Variants in SAMD12 observed in about 807,000 individuals in gnomAD.
The protein encoded by SAMD12 is sterile alpha motif domain containing 12, also known as sterile alpha motif domain-containing protein 12.
A neutral mutation model predicts 15.0 loss-of-function variants in SAMD12; 9 were observed. The ratio of observed to expected loss-of-function variants is 0.60; its 90% CI spans 0.36 to 1.05. The LOEUF is 1.05. Ranked by LOEUF, SAMD12 falls within the 50% of genes least tolerant of loss-of-function variation. The probability of loss-of-function intolerance (pLI) is 0.01; values close to 1 mark genes in which losing one functional copy is unlikely to be tolerated. For missense variants in SAMD12, 230 were observed against 234.2 expected (o/e 0.98, Z 0.12); for synonymous variants, 86 against 90.1 (o/e 0.96, Z 0.25).
chr8:118,342,848 TGACA>T (rs2130555218), intron 4 of SAMD12, among the ~76,000 whole-genome samples: 1 of 152,312 alleles, frequency 6.6e-6, no homozygotes, highest in Non-Finnish European at 1.5e-5. Flanking sequence ...AACAGGCTTT[TGACA>T]GACAGAAAAA....
At chr8:118,287,890 T>C (rs956809807) in intron 4 of SAMD12, among the ~76,000 whole-genome samples, 2 of 152,294 alleles carry the variant, frequency 1.3e-5, no homozygotes, top group African/African-American at 4.8e-5. Flanking sequence ...ACAGTCATAC[T>C]TTCTACCCAT....
chr8:118,161,331 C>T, the SAMD12 span, among the ~76,000 whole-genome samples: 2 of 152,094 alleles, frequency 1.3e-5, no homozygotes, highest in African/African-American at 2.4e-5. Context: ...TGCCTATAAT[C>T]CCAGCACTTT....
chr8:118,407,438 C>A (rs370664907), intron 3 of SAMD12, among the ~76,000 whole-genome samples: 37 of 152,252 alleles, frequency 2.4e-4, no homozygotes, highest in East Asian at 1.5e-3. Context: ...AGCATCTTTT[C>A]ATATGCAGGT....
chr8:118,300,938 A>G (rs1003692567), intron 4 of SAMD12, among the ~76,000 whole-genome samples: 1 of 152,218 alleles, frequency 6.6e-6, no homozygotes, highest in Admixed American at 6.5e-5. Context: ...ATGGTTATAA[A>G]AAGTGCATGC....
At chr8:118,248,981 ATTGATCCCC>A (rs1276200890) in intron 4 of SAMD12, among the ~76,000 whole-genome samples, 4 of 152,176 alleles carry the variant, frequency 2.6e-5, no homozygotes, top group African/African-American at 9.7e-5. Flanking sequence ...TTGTAGAGTC[ATTGATCCCC>A]CACGGATCCC....
intron 2 of SAMD12, among the ~76,000 whole-genome samples, chr8:118,474,348 C>A (rs568261912): frequency 1.3e-5 from 2 of 152,238 alleles, no homozygotes; most frequent in South Asian, 4.1e-4. Flanking sequence ...CTAATGAACA[C>A]CTAAATCAGT....
At chr8:118,549,382 C>A (rs1204066752) in intron 2 of SAMD12, among the ~76,000 whole-genome samples, 1 of 152,262 alleles carries the variant, frequency 6.6e-6, no homozygotes, top group East Asian at 1.9e-4. Flanking sequence ...CGAAAAACCA[C>A]TGTTCTGCAG....
At chr8:118,171,262 T>G in the SAMD12 span, among the ~76,000 whole-genome samples, 1 of 152,234 alleles carries the variant, frequency 6.6e-6, no homozygotes, top group Non-Finnish European at 1.5e-5. Context: ...GAAAACACTC[T>G]GAGAGGTCCT....
chr8:118,551,241 C>T (rs1307152842), intron 2 of SAMD12, among the ~76,000 whole-genome samples: 5 of 151,990 alleles, frequency 3.3e-5, no homozygotes, highest in Non-Finnish European at 7.4e-5. Context: ...CAGCACCACA[C>T]CACACCTATT....
chr8:118,236,497 A>T (rs1490923649), intron 4 of SAMD12, among the ~76,000 whole-genome samples: 2 of 152,218 alleles, frequency 1.3e-5, no homozygotes, highest in Non-Finnish European at 2.9e-5. Flanking sequence ...TGATTACTGG[A>T]TCTAAGATTA....
intron 2 of SAMD12, among the ~76,000 whole-genome samples, chr8:118,450,604 ATCATG>A (rs1823051164): frequency 6.6e-6 from 1 of 152,244 alleles, no homozygotes; most frequent in East Asian, 1.9e-4. Context: ...GATCATCATC[ATCATG>A]TCATTTCTAC....
At chr8:118,184,277 G>A in the SAMD12 span, among the ~76,000 whole-genome samples, 135 of 152,254 alleles carry the variant, frequency 8.9e-4, 1 homozygote, top group East Asian at 0.02. Context: ...ACAAAGGCAG[G>A]GATGTATCTG....
At chr8:118,553,382 T>C (rs1041698023) in intron 2 of SAMD12, among the ~76,000 whole-genome samples, 13 of 151,936 alleles carry the variant, frequency 8.6e-5, no homozygotes, top group Non-Finnish European at 1.5e-4. Flanking sequence ...ACGCCGCATA[T>C]CTACAACTAT....
At position 118,439,956 on chromosome 8, in the gene SAMD12, A is replaced by G. The variant is rs1822688391; in HGVS notation, c.198T>C (p.Ala66=). 1 of 1,613,474 alleles carries G rather than the reference A, an allele frequency of 6.2e-7. No homozygotes were observed. Among genetic ancestry groups the G allele is most frequent in the African/African-American group, 1.3e-5 (1 of 74,926 alleles). Residue 66 remains alanine, a synonymous_variant, in exon 3 of 4, where the codon GCT becomes GCC. Coordinates refer to ENST00000314727, the MANE Select transcript of SAMD12 (RefSeq NM_207506.3). ...LQAEAETAKS[A]TVKLSKPVAL... ...CCACCGGTTTAGATAGCTTCACCGT[A>G]GCTGACTATAAATAAAGAAGGAAGA...
intron 1 of SAMD12, chr8:118,621,106 C>G (rs1000237491): frequency 6.6e-6 from 1 of 152,210 alleles, no homozygotes; most frequent in Non-Finnish European, 1.5e-5. Context: ...CAGGACTTTA[C>G]GGTCAAAACT....
chr8:118,429,798 G>T (rs1822342000), intron 3 of SAMD12, among the ~76,000 whole-genome samples: 1 of 152,130 alleles, frequency 6.6e-6, no homozygotes, highest in South Asian at 2.1e-4. Context: ...GGAGGCTGAG[G>T]AAGGAGAATC....
intron 4 of SAMD12, among the ~76,000 whole-genome samples, chr8:118,280,298 C>G (rs905416856): frequency 1.3e-5 from 2 of 152,024 alleles, no homozygotes; most frequent in African/African-American, 4.8e-5. Flanking sequence ...CAAAATATTC[C>G]CTTAGTGCCA....
At chr8:118,334,862 G>A (rs1586550931) in intron 4 of SAMD12, among the ~76,000 whole-genome samples, 1 of 152,066 alleles carries the variant, frequency 6.6e-6, no homozygotes, top group East Asian at 1.9e-4. Flanking sequence ...TCAAAGTGCT[G>A]GATTACGGGC....
chr8:118,355,484 C>T (rs1818185624), intron 4 of SAMD12, among the ~76,000 whole-genome samples: 1 of 151,976 alleles, frequency 6.6e-6, no homozygotes, highest in Admixed American at 6.6e-5. Flanking sequence ...ACTCATGTAA[C>T]CAAATACCAG....
Sources: allele counts gnomAD v4.1 joint callset (sites outside exome capture counted in the v4.1 genomes callset), GRCh38; gene constraint gnomAD v4.1.1; transcripts MANE v1.5; gene names NCBI Gene and HGNC (gene_info 2026-07-23, HGNC 2026-07-21).